The following DLG2 variants were observed in gnomAD, a reference collection of about 807,000 sequenced individuals.
DLG2 encodes disks large homolog 2.
Under a neutral mutation model 132.5 loss-of-function variants are expected in DLG2, and 45 were observed. The observed-to-expected ratio is 0.34, with a 90% confidence interval of 0.27 to 0.44. The LOEUF (loss-of-function observed/expected upper bound fraction) is 0.44. Among genes scored for constraint, DLG2 ranks in the 20% least tolerant of loss-of-function variants. The probability of loss-of-function intolerance (pLI) is 1.00; values close to 1 mark genes in which losing one functional copy is unlikely to be tolerated. For missense variants in DLG2, 1,045 were observed against 1,196.9 expected (o/e 0.87, Z 1.87); for synonymous variants, 424 against 419.6 (o/e 1.01, Z -0.13).
chr11:85,133,110 C>A, intron 5 of DLG2: 1 of 297,484 alleles, frequency 3.4e-6, no homozygotes, highest in Non-Finnish European at 6.8e-6. Flanking sequence ...GTGAGTGCCC[C>A]GCACAGTTCT....
At chr11:84,858,651 T>C (rs1440974924) in intron 6 of DLG2, among the ~76,000 whole-genome samples, 2 of 152,100 alleles carry the variant, frequency 1.3e-5, no homozygotes, top group Admixed American at 1.3e-4. Flanking sequence ...ACATGAGACA[T>C]GTTTTTGTGA....
chr11:85,343,929 G>T (rs1017885421), intron 3 of DLG2, among the ~76,000 whole-genome samples: 3 of 152,136 alleles, frequency 2.0e-5, no homozygotes, highest in African/African-American at 7.2e-5. Flanking sequence ...GGATACAGAT[G>T]CAGAATGGAA....
intron 6 of DLG2, chr11:84,720,191 C>A: frequency 1.1e-6 from 1 of 893,778 alleles, no homozygotes; most frequent in South Asian, 5.1e-5. Context: ...GCAGTCGCAG[C>A]TTCTGTCACT....
At chr11:84,359,647 A>G (rs921600506) in intron 7 of DLG2, among the ~76,000 whole-genome samples, 4 of 151,832 alleles carry the variant, frequency 2.6e-5, no homozygotes, top group African/African-American at 4.8e-5. Flanking sequence ...CTTCCTAAAG[A>G]GATGTCAAAA....
At chr11:83,751,066 A>G (rs1455714828) in intron 18 of DLG2, among the ~76,000 whole-genome samples, 1 of 152,232 alleles carries the variant, frequency 6.6e-6, no homozygotes, top group Admixed American at 6.5e-5. Context: ...TTCAATGTAA[A>G]AAGTCAGAAT....
chr11:84,704,651 T>C (rs908579599), intron 6 of DLG2, among the ~76,000 whole-genome samples: 14 of 151,552 alleles, frequency 9.2e-5, no homozygotes, highest in African/African-American at 3.4e-4. Context: ...CACACCAATA[T>C]AATGTTTAAA....
At chr11:83,608,277 C>G (rs1483465848) in intron 19 of DLG2, among the ~76,000 whole-genome samples, 1 of 152,034 alleles carries the variant, frequency 6.6e-6, no homozygotes, top group East Asian at 1.9e-4. Context: ...AATCATCTAA[C>G]AATGAAGCTT....
At chr11:85,539,871 G>A (rs1010817190) in intron 3 of DLG2, among the ~76,000 whole-genome samples, 4 of 152,208 alleles carry the variant, frequency 2.6e-5, no homozygotes, top group Admixed American at 2.6e-4. Context: ...CTAAAATAGA[G>A]CCAGGAGGCC....
chr11:84,882,204 C>T (rs577056577), intron 6 of DLG2, among the ~76,000 whole-genome samples: 2 of 151,990 alleles, frequency 1.3e-5, no homozygotes, highest in Non-Finnish European at 2.9e-5. Context: ...GCTGTGTCAA[C>T]ACCAAACTTT....
intron 6 of DLG2, among the ~76,000 whole-genome samples, chr11:84,861,433 T>C (rs1383049124): frequency 6.6e-6 from 1 of 151,948 alleles, no homozygotes; most frequent in Non-Finnish European, 1.5e-5. Flanking sequence ...TTGAATACTT[T>C]ATATTCATAC....
intron 6 of DLG2, among the ~76,000 whole-genome samples, chr11:84,628,519 TTTA>T (rs1327131046): frequency 1.3e-5 from 2 of 152,206 alleles, no homozygotes; most frequent in Admixed American, 1.3e-4. Context: ...ACCACGCACT[TTTA>T]TTATAAGAAC....
At chr11:84,482,441 G>C (rs1477002637) in intron 7 of DLG2, among the ~76,000 whole-genome samples, 4 of 152,170 alleles carry the variant, frequency 2.6e-5, no homozygotes, top group Admixed American at 6.6e-5. Context: ...AGGGCCTATA[G>C]TATGAGAACA....
At chr11:83,562,035 C>T (rs2096620149) in intron 19 of DLG2, among the ~76,000 whole-genome samples, 1 of 151,312 alleles carries the variant, frequency 6.6e-6, no homozygotes, top group Non-Finnish European at 1.5e-5. Flanking sequence ...ATTACAGGTG[C>T]CCAGCACCAC....
chr11:85,480,819 GA>G (rs529703775), intron 3 of DLG2, among the ~76,000 whole-genome samples: 2 of 151,660 alleles, frequency 1.3e-5, no homozygotes, highest in East Asian at 1.9e-4. Flanking sequence ...CTGCACACAG[GA>G]AAAAAAACTA....
At chr11:84,989,261 T>C (rs1388322584) in intron 6 of DLG2, among the ~76,000 whole-genome samples, 1 of 152,150 alleles carries the variant, frequency 6.6e-6, no homozygotes, top group Non-Finnish European at 1.5e-5. Flanking sequence ...CTGCAACCTC[T>C]GACCCCCAGG....
chr11:85,340,330 T>C (rs930055958), intron 3 of DLG2, among the ~76,000 whole-genome samples: 11 of 152,214 alleles, frequency 7.2e-5, no homozygotes, highest in Non-Finnish European at 5.9e-5. Context: ...TGAGTTCATG[T>C]CCTTTGCAGG....
chr11:83,761,408 T>C (rs192893351), intron 18 of DLG2, among the ~76,000 whole-genome samples: 100 of 152,378 alleles, frequency 6.6e-4, no homozygotes, highest in Non-Finnish European at 1.3e-3. Flanking sequence ...CTTGCCAGTC[T>C]GATATTTGGC....
chr11:84,479,380 G>T (rs528677918), intron 7 of DLG2, among the ~76,000 whole-genome samples: 1 of 151,900 alleles, frequency 6.6e-6, no homozygotes, highest in Non-Finnish European at 1.5e-5. Flanking sequence ...TTTCTGAGTT[G>T]GATTTCTTCT....
chr11:84,201,819 T>C (rs1255940073), intron 8 of DLG2, among the ~76,000 whole-genome samples: 9 of 118,202 alleles, frequency 7.6e-5, no homozygotes, highest in South Asian at 3.2e-4. Flanking sequence ...TTTTTTTTTT[T>C]TTTTTTTTTT....
Sources: gnomAD v4.1 joint callset for allele counts (sites outside exome capture counted in the v4.1 genomes callset) on GRCh38, gnomAD v4.1.1 for gene constraint, MANE v1.5 for transcripts, NCBI Gene and HGNC (gene_info 2026-07-23, HGNC 2026-07-21) for gene names.